The following CNTN5 variants were observed in gnomAD, a reference collection of about 807,000 sequenced individuals.
The protein encoded by CNTN5 is contactin-5.
A neutral mutation model predicts 129.1 loss-of-function variants in CNTN5; 77 were observed. The ratio of observed to expected loss-of-function variants is 0.60; its 90% CI spans 0.50 to 0.72. The LOEUF (loss-of-function observed/expected upper bound fraction) is 0.72, where lower values mean the gene tolerates loss of function less well. Ranked by LOEUF, CNTN5 falls within the 30% of genes least tolerant of loss-of-function variation. The probability of loss-of-function intolerance (pLI) is 0.00; values close to 1 mark genes in which losing one functional copy is unlikely to be tolerated. For synonymous variants in CNTN5, 509 were observed against 465.6 expected (o/e 1.09, Z -1.20); for missense variants, 1,478 against 1,328.8 (o/e 1.11, Z -1.75).
At chr11:100,078,006 A>G (rs1944209798) in intron 13 of CNTN5, among the ~76,000 whole-genome samples, 1 of 152,176 alleles carries the variant, frequency 6.6e-6, no homozygotes, top group African/African-American at 2.4e-5. Context: ...AAAATCTCAA[A>G]GGTAAATTTA....
intron 3 of CNTN5, among the ~76,000 whole-genome samples, chr11:99,579,545 C>T (rs1164561451): frequency 6.7e-6 from 1 of 148,960 alleles, no homozygotes; most frequent in Non-Finnish European, 1.5e-5. Flanking sequence ...AGGTCCTTCA[C>T]ATCCCTTGTA....
intron 9 of CNTN5, among the ~76,000 whole-genome samples, chr11:100,053,612 A>C (rs1421700200): frequency 1.3e-5 from 2 of 151,722 alleles, no homozygotes; most frequent in South Asian, 2.1e-4. Context: ...AATTTCCTAC[A>C]CTGTTGGTAG....
intron 15 of CNTN5, among the ~76,000 whole-genome samples, chr11:100,224,143 A>G (rs1949322546): frequency 2.0e-5 from 3 of 152,162 alleles, no homozygotes; most frequent in Admixed American, 2.0e-4. Context: ...GGTAGTGGTT[A>G]TGGGAGGAAT....
At chr11:100,322,633 T>G (rs1481751091) in intron 21 of CNTN5, among the ~76,000 whole-genome samples, 1 of 152,218 alleles carries the variant, frequency 6.6e-6, no homozygotes, top group East Asian at 1.9e-4. Flanking sequence ...TGAATAACAC[T>G]ATATAAAGCA....
chr11:99,310,455 A>C (rs1326813973), intron 1 of CNTN5, among the ~76,000 whole-genome samples: 1 of 152,166 alleles, frequency 6.6e-6, no homozygotes, highest in Non-Finnish European at 1.5e-5. Flanking sequence ...CACATAGTGA[A>C]TTATGGTTTA....
intron 15 of CNTN5, among the ~76,000 whole-genome samples, chr11:100,202,363 C>T (rs535560473): frequency 2.0e-4 from 30 of 151,694 alleles, no homozygotes; most frequent in Middle Eastern, 3.4e-3. Context: ...TTTCCATTGC[C>T]GGTAACATTT....
rs138742975 is a variant in CNTN5, at chr11:99,817,173, C to A, written c.56-2371C>A. Among the ~76,000 whole-genome samples the A allele has an allele frequency of 2.6e-3, 397 of 152,306 alleles. 1 individual carries two copies. The highest frequency in any genetic ancestry group is 4.6e-3 in the Non-Finnish European group (316 of 68,024). Reference sequence around the variant, plus strand: ...GGCAGGATTATTCACTTTTGTTTCCCTAGCATTTGGCACCTACTAAGTTGT... The same window carrying A: ...GGCAGGATTATTCACTTTTGTTTCCATAGCATTTGGCACCTACTAAGTTGT... On this transcript the variant is annotated intron_variant, in intron 3 of 24. Transcript: ENST00000524871.
At chr11:99,139,452 T>G (rs924524152) in intron 1 of CNTN5, among the ~76,000 whole-genome samples, 1 of 152,112 alleles carries the variant, frequency 6.6e-6, no homozygotes, top group African/African-American at 2.4e-5. Context: ...TGTGGTGACC[T>G]AAATAAAAAA....
chr11:99,140,757 G>T (rs543203882), intron 1 of CNTN5, among the ~76,000 whole-genome samples: 1 of 152,052 alleles, frequency 6.6e-6, no homozygotes, highest in African/African-American at 2.4e-5. Flanking sequence ...TGATTATTTT[G>T]TTTTTGTTTT....
chr11:99,706,615 T>C (rs964297779), intron 3 of CNTN5, among the ~76,000 whole-genome samples: 2 of 151,464 alleles, frequency 1.3e-5, no homozygotes, highest in African/African-American at 4.8e-5. Flanking sequence ...TAAATTTGTA[T>C]GTGGTGTCGT....
intron 18 of CNTN5, among the ~76,000 whole-genome samples, chr11:100,276,090 T>C (rs992516816): frequency 2.0e-5 from 3 of 152,216 alleles, no homozygotes; most frequent in African/African-American, 7.2e-5. Context: ...GAAAGTGGTA[T>C]GCCTCTTTAA....
chr11:99,971,397 G>T (rs528045994), intron 8 of CNTN5, among the ~76,000 whole-genome samples: 8 of 151,946 alleles, frequency 5.3e-5, no homozygotes, highest in African/African-American at 1.9e-4. Context: ...ACAAAAATTA[G>T]CTGGGCGTGG....
intron 3 of CNTN5, among the ~76,000 whole-genome samples, chr11:99,588,167 C>A (rs1161524653): frequency 1.3e-5 from 2 of 151,998 alleles, no homozygotes; most frequent in Non-Finnish European, 2.9e-5. Context: ...CACGGTGAAA[C>A]CCCGTCTCTA....
chr11:99,687,410 G>T (rs1472339232), intron 3 of CNTN5, among the ~76,000 whole-genome samples: 1 of 152,122 alleles, frequency 6.6e-6, no homozygotes, highest in Admixed American at 6.5e-5. Context: ...TTGCCTCATT[G>T]TATGTAAAAT....
chr11:99,846,375 A>AAC (rs1235725446), intron 6 of CNTN5, among the ~76,000 whole-genome samples: 1 of 151,082 alleles, frequency 6.6e-6, no homozygotes, highest in East Asian at 1.9e-4. Context: ...AAAAAAAAAA[A>AAC]AAAAAGAAGT....
intron 10 of CNTN5, among the ~76,000 whole-genome samples, chr11:100,063,327 G>A (rs1247947885): frequency 6.6e-6 from 1 of 151,662 alleles, no homozygotes; most frequent in Non-Finnish European, 1.5e-5. Flanking sequence ...GTCATGCACT[G>A]TAGGCCATCT....
chr11:100,292,651 C>T (rs1055268715), intron 18 of CNTN5, among the ~76,000 whole-genome samples: 16 of 152,030 alleles, frequency 1.1e-4, no homozygotes, highest in African/African-American at 3.9e-4. Flanking sequence ...TCTCTATTGA[C>T]AGCTGGGGTT....
At chr11:99,848,021 G>C (rs905734338) in intron 6 of CNTN5, among the ~76,000 whole-genome samples, 2 of 152,146 alleles carry the variant, frequency 1.3e-5, no homozygotes, top group Admixed American at 1.3e-4. Context: ...GACCATCCTG[G>C]CGAACACGGT....
intron 1 of CNTN5, among the ~76,000 whole-genome samples, chr11:99,074,891 C>G (rs1399218681): frequency 6.6e-6 from 1 of 152,164 alleles, no homozygotes. Flanking sequence ...AGCCAATAGA[C>G]ATAGTGCTAT....
Sources: gnomAD v4.1 joint callset for allele counts (sites outside exome capture counted in the v4.1 genomes callset) on GRCh38, gnomAD v4.1.1 for gene constraint, MANE v1.5 for transcripts, NCBI Gene and HGNC (gene_info 2026-07-23, HGNC 2026-07-21) for gene names.